SREBF2: variants seen among roughly 807,000 people sequenced by gnomAD.
SREBF2 encodes the protein sterol regulatory element binding transcription factor 2.
Under a neutral mutation model 113.1 loss-of-function variants are expected in SREBF2, and 55 were observed. The ratio of observed to expected loss-of-function variants is 0.49; its 90% CI spans 0.39 to 0.61. SREBF2 has a LOEUF of 0.61. SREBF2 is among the 20% of genes least tolerant of loss of function. SREBF2 has a pLI of 0.00. For synonymous variants in SREBF2, 593 were observed against 605.7 expected (o/e 0.98, Z 0.31); for missense variants, 1,349 against 1,487.4 (o/e 0.91, Z 1.53).
rs1010352880 is a variant in SREBF2, at chr22:41,880,604, T to A, written c.1762-112T>A. ...CTTTCTGAAGTTTCCCTCGTTTTTA[T>A]GAGTGTGCACTAATTCCTCTGATAA... On this transcript the variant is annotated intron_variant, in intron 9 of 18. Transcript: ENST00000361204. 8 of 1,372,744 alleles carry A rather than the reference T, an allele frequency of 5.8e-6. No individual in the cohort carries two copies. The African/African-American group carries it at 1.2e-4, about 20-fold the overall frequency. 85.0% of individuals were successfully genotyped at this position (1,372,744 alleles called of 1,614,324 possible).
Position 41,905,662 on chromosome 22 carries a change from C to T in SREBF2, c.*2C>T, listed in dbSNP as rs2077502000. On this transcript the variant is annotated 3_prime_UTR_variant, in exon 19 of 19. Transcript: ENST00000361204. ...GGCACTGCCATTGCCGCCTCCTGAC[C>T]ACCAGGCTCAGCCCACCCCTCCACC... is the stretch of plus-strand genomic sequence containing the variant. 6.4e-7 allele frequency: 1 copy of T among 1,571,038 alleles called. No individual in the cohort carries two copies. The highest frequency in any genetic ancestry group is 8.6e-7 in the Non-Finnish European group (1 of 1,158,750).
Position 41,875,401 on chromosome 22 carries a change from A to T in SREBF2, c.1154A>T (p.His385Leu). 6.2e-7 allele frequency: 1 copy of T among 1,614,240 alleles called. No homozygotes were observed. Among genetic ancestry groups the T allele is most frequent in the African/African-American group, 1.3e-5 (1 of 75,070 alleles). Reference protein sequence around the residue: ...DYIKYLQQVNHKLRQENMVLK... With the variant: ...DYIKYLQQVNLKLRQENMVLK... ...ATCAAATACTTGCAGCAGGTCAATC[A>T]TAAACTGCGCCAGGAGAACATGGTG... Residue 385 changes from histidine to leucine, a missense_variant, in exon 6 of 19, where the codon CAT (histidine) becomes CTT (leucine). His to Leu is a moderately conservative substitution (Grantham distance 99). Around this residue, in one of 2 missense-constraint regions of SREBF2, gnomAD observed 699 missense variants for 843.3 expected, o/e 0.83. Coordinates refer to ENST00000361204, the MANE Select transcript of SREBF2 (RefSeq NM_004599.4).
rs761132375 is a variant in SREBF2 at position 41,867,314 on chromosome 22, G to A, written c.538+34G>A. ...GAAGTTAGAATGGTAGTGGTTGGTT[G>A]GTTCCAATGTTTATGTGCCAGTTTG... On this transcript the variant is annotated intron_variant, in intron 2 of 18. Coordinates refer to ENST00000361204, the MANE Select transcript of SREBF2 (RefSeq NM_004599.4). 11 of 1,609,966 alleles carry A rather than the reference G, an allele frequency of 6.8e-6. No individual in the cohort carries two copies. In the Admixed American group the frequency reaches 1.0e-4, roughly 15 times the overall value.
Position 41,833,840 on chromosome 22 carries a change from T to C in SREBF2, c.88+482T>C, listed in dbSNP as rs1164966894. 6.5e-6 allele frequency: 1 copy of C among 154,116 alleles called. No homozygotes were observed. The highest frequency in any genetic ancestry group is 1.4e-5 in the Non-Finnish European group (1 of 69,122). 9.5% of individuals were successfully genotyped at this position (154,116 alleles called of 1,614,324 possible). ...CCCCGAATCCCTGGGCTTCTCAGGA[T>C]TGACCGACGGCCAGGTCGCCGGGTG... On this transcript the variant is annotated intron_variant, in intron 1 of 18. Transcript: ENST00000361204. This position sits in a 1 kb window ranked among gnomAD's most constrained non-coding sequence, Gnocchi z 4.1.
At chr22:41,862,863 C>G (rs908190855) in intron 1 of SREBF2, among the ~76,000 whole-genome samples, 1 of 152,188 alleles carries the variant, frequency 6.6e-6, no homozygotes, top group Non-Finnish European at 1.5e-5. Context: ...GGAGATGGCT[C>G]CACTGGAGCT....
At chr22:41,835,429 G>C (rs1241034764) in intron 1 of SREBF2, among the ~76,000 whole-genome samples, 1 of 150,828 alleles carries the variant, frequency 6.6e-6, no homozygotes, top group Non-Finnish European at 1.5e-5. Context: ...TCCTGTCTCA[G>C]CCTCCCGAGT....
At chr22:41,862,535 G>A (rs550117826) in intron 1 of SREBF2, among the ~76,000 whole-genome samples, 6 of 152,188 alleles carry the variant, frequency 3.9e-5, no homozygotes, top group African/African-American at 1.2e-4. Flanking sequence ...CATAAAACTC[G>A]CCTTCTCCCG....
Position 41,884,010 on chromosome 22 carries a change from G to C in SREBF2, c.2039-832G>C, listed in dbSNP as rs569198195. 1.6e-4 allele frequency among the ~76,000 whole-genome samples: 25 copies of C among 152,258 alleles called. No homozygotes were observed. The East Asian group carries it at 3.5e-3, about 21-fold the overall frequency. On this transcript the variant is annotated intron_variant, in intron 10 of 18. Coordinates refer to ENST00000361204, the MANE Select transcript of SREBF2 (RefSeq NM_004599.4). ...GATGGGCCACTGTGCACCTCTCATA[G>C]GGGAGGGTGTGGTAAGCCTTCCTGG... is the stretch of plus-strand genomic sequence containing the variant.
At chr22:41,881,564 T>A (rs981379349) in intron 10 of SREBF2, among the ~76,000 whole-genome samples, 1 of 152,324 alleles carries the variant, frequency 6.6e-6, no homozygotes, top group Admixed American at 6.5e-5. Context: ...GATGAGCCTC[T>A]GGGCAGAGGG....
chr22:41,879,952 G>A (rs1037699128), intron 9 of SREBF2, among the ~76,000 whole-genome samples: 1 of 152,128 alleles, frequency 6.6e-6, no homozygotes, highest in African/African-American at 2.4e-5. Flanking sequence ...GCCGGGTGCT[G>A]TGGCTCACAC....
chr22:41,854,411 C>A (rs558508132), intron 1 of SREBF2, among the ~76,000 whole-genome samples: 1 of 151,650 alleles, frequency 6.6e-6, no homozygotes, highest in South Asian at 2.1e-4. Flanking sequence ...ATCCACCCGC[C>A]TCGGCCTCCC....
intron 1 of SREBF2, among the ~76,000 whole-genome samples, chr22:41,844,276 C>A (rs1602269513): frequency 6.6e-6 from 1 of 152,014 alleles, no homozygotes; most frequent in South Asian, 2.1e-4. Flanking sequence ...CCTCTTTTGG[C>A]TCTATTTAAA....
chr22:41,857,407 GGA>G (rs1471192906), intron 1 of SREBF2, among the ~76,000 whole-genome samples: 5 of 152,198 alleles, frequency 3.3e-5, no homozygotes, highest in Admixed American at 3.3e-4. Context: ...TGAGAGGCGG[GGA>G]GAGAGAGCAC....
intron 1 of SREBF2, among the ~76,000 whole-genome samples, chr22:41,854,894 A>G (rs116692244): frequency 0.017 from 2,631 of 152,004 alleles, 84 homozygotes; most frequent in African/African-American, 0.059. Flanking sequence ...AAATAATAAA[A>G]TAAAATTTAT....
At chr22:41,835,270 C>T (rs577643710) in intron 1 of SREBF2, among the ~76,000 whole-genome samples, 1 of 47,296 alleles carries the variant, frequency 2.1e-5, no homozygotes, top group Admixed American at 2.6e-4. Context: ...CCTGCCTTGG[C>T]CTCCCAAAGT....
chr22:41,833,372 G>T lies in SREBF2; in HGVS notation c.88+14G>T. The stretch of plus-strand genomic sequence containing the variant: ...GAGACATCGACGGTGAGTGGTGGGT[G>T]GGTGGGAGTGCGGGGGCCGCGCGGG... On this transcript the variant is annotated intron_variant, in intron 1 of 18. Transcript: ENST00000361204. The surrounding 1 kb of genome is among the most constrained non-coding windows in gnomAD (Gnocchi z 4.1). The T allele has an allele frequency of 6.6e-7, 1 of 1,514,438 alleles. No homozygotes were observed. The highest frequency in any genetic ancestry group is 1.2e-5 in the South Asian group (1 of 81,686). 93.8% of individuals were successfully genotyped at this position (1,514,438 alleles called of 1,614,324 possible).
chr22:41,868,297 C>T (rs540230880), intron 2 of SREBF2, among the ~76,000 whole-genome samples: 1 of 152,250 alleles, frequency 6.6e-6, no homozygotes, highest in East Asian at 1.9e-4. Context: ...AAATGAAGCC[C>T]CAGGGAGTTG....
At chr22:41,899,873 C>T in intron 15 of SREBF2, 1 of 1,007,958 alleles carries the variant, frequency 9.9e-7, no homozygotes, top group Non-Finnish European at 1.2e-6. Context: ...TATGAGAACC[C>T]TCCCCCATCC....
At chr22:41,878,694 C>G (rs535213569) in intron 9 of SREBF2, 297 of 1,304,174 alleles carry the variant, frequency 2.3e-4, no homozygotes, top group Admixed American at 6.0e-4. Context: ...CAACTCACAG[C>G]ATTGAGGAAG....
Sources: gnomAD v4.1 joint callset for allele counts (sites outside exome capture counted in the v4.1 genomes callset) on GRCh38, gnomAD v4.1.1 for gene constraint, gnomAD v4.1.1 regional missense constraint, Gnocchi (gnomAD v3.1) non-coding constraint, MANE v1.5 for transcripts, NCBI Gene and HGNC (gene_info 2026-07-23, HGNC 2026-07-21) for gene names.